The following ZNF385D variants were observed in gnomAD, a reference collection of about 807,000 sequenced individuals.
ZNF385D encodes zinc finger protein 659.
A neutral mutation model predicts 35.8 loss-of-function variants in ZNF385D; 15 were observed. The observed-to-expected ratio is 0.42, with a 90% CI of 0.28 to 0.64. The LOEUF (loss-of-function observed/expected upper bound fraction) is 0.64. Ranked by LOEUF, ZNF385D falls within the 30% of genes least tolerant of loss-of-function variation. The probability of loss-of-function intolerance (pLI) is 0.23; values close to 1 mark genes in which losing one functional copy is unlikely to be tolerated. For synonymous variants in ZNF385D, 212 were observed against 186.8 expected (o/e 1.13, Z -1.10); for missense variants, 474 against 494.6 (o/e 0.96, Z 0.39).
intron 3 of ZNF385D, among the ~76,000 whole-genome samples, chr3:21,767,464 C>T (rs1210508069): frequency 2.0e-5 from 3 of 152,040 alleles, no homozygotes; most frequent in Admixed American, 6.6e-5. Context: ...TTAGCACACC[C>T]TTCTTACCAA....
chr3:22,143,719 CTTAAGA>C (rs1384285440), intron 3 of ZNF385D, among the ~76,000 whole-genome samples: 1 of 152,102 alleles, frequency 6.6e-6, no homozygotes. Context: ...AAAATTTTTA[CTTAAGA>C]TTATGTTCTT....
At chr3:21,559,410 C>T (rs2062859781) in intron 3 of ZNF385D, among the ~76,000 whole-genome samples, 1 of 152,144 alleles carries the variant, frequency 6.6e-6, no homozygotes, top group South Asian at 2.1e-4. Flanking sequence ...ATTTCTCCTT[C>T]ACTTACAAAG....
intron 3 of ZNF385D, among the ~76,000 whole-genome samples, chr3:22,070,654 G>A (rs1284262127): frequency 6.6e-6 from 1 of 152,060 alleles, no homozygotes; most frequent in Non-Finnish European, 1.5e-5. Context: ...TAGAGGACAT[G>A]AGAAAATAGT....
intron 4 of ZNF385D, among the ~76,000 whole-genome samples, chr3:21,449,672 C>A (rs444724): frequency 0.63 from 96,291 of 152,034 alleles, 30,779 homozygotes; most frequent in African/African-American, 0.71. Context: ...GATCTTATTT[C>A]TTGTATATCA....
intron 2 of ZNF385D, among the ~76,000 whole-genome samples, chr3:22,225,973 C>T (rs1419346160): frequency 6.6e-6 from 1 of 152,138 alleles, no homozygotes; most frequent in Non-Finnish European, 1.5e-5. Context: ...AAGCCACTCC[C>T]TCAATCTTAA....
chr3:21,992,315 A>G (rs1251075764), intron 3 of ZNF385D, among the ~76,000 whole-genome samples: 1 of 152,138 alleles, frequency 6.6e-6, no homozygotes, highest in Non-Finnish European at 1.5e-5. Flanking sequence ...TTCTGCAGGC[A>G]AAACATACAA....
At chr3:22,214,769 T>C (rs1453268056) in intron 2 of ZNF385D, among the ~76,000 whole-genome samples, 1 of 152,096 alleles carries the variant, frequency 6.6e-6, no homozygotes, top group Non-Finnish European at 1.5e-5. Context: ...CCTGATAAGA[T>C]GTTATCAATG....
At chr3:21,445,454 T>C (rs1702096632) in intron 4 of ZNF385D, among the ~76,000 whole-genome samples, 1 of 152,160 alleles carries the variant, frequency 6.6e-6, no homozygotes, top group African/African-American at 2.4e-5. Flanking sequence ...ACAAGGTAAA[T>C]TGCCCTCTTT....
intron 4 of ZNF385D, among the ~76,000 whole-genome samples, chr3:21,490,406 T>C (rs1205724733): frequency 6.6e-6 from 1 of 152,152 alleles, no homozygotes. Flanking sequence ...TAGGTTTAAT[T>C]CCCACCTCAC....
intron 3 of ZNF385D, among the ~76,000 whole-genome samples, chr3:22,005,011 C>A (rs545986563): frequency 7.9e-6 from 1 of 126,906 alleles, no homozygotes; most frequent in South Asian, 2.7e-4. Context: ...TGAGACCTGC[C>A]TTAGATATTT....
At chr3:21,916,042 A>G (rs1171380226) in intron 3 of ZNF385D, among the ~76,000 whole-genome samples, 1 of 152,164 alleles carries the variant, frequency 6.6e-6, no homozygotes, top group South Asian at 2.1e-4. Context: ...TTTAAAAGAT[A>G]TATGTCAAAT....
intron 3 of ZNF385D, among the ~76,000 whole-genome samples, chr3:22,087,273 G>C (rs900666570): frequency 3.3e-5 from 5 of 151,902 alleles, no homozygotes; most frequent in Middle Eastern, 3.4e-3. Flanking sequence ...GCATTTGACA[G>C]AATGTTAATT....
chr3:21,971,471 AAT>A (rs1306434450), intron 3 of ZNF385D, among the ~76,000 whole-genome samples: 3 of 151,924 alleles, frequency 2.0e-5, no homozygotes, highest in Admixed American at 6.6e-5. Context: ...AATCAAAAAA[AAT>A]AATGGATACA....
Position 21,850,763 on chromosome 3 carries a change from T to C in ZNF385D, c.326-185735A>G, listed in dbSNP as rs558072830. Among the ~76,000 whole-genome samples, 10 of 152,166 alleles carry C rather than the reference T, an allele frequency of 6.6e-5. No individual in the cohort carries two copies. The East Asian group carries it at 1.9e-3, about 30-fold the overall frequency. ...CTTCGTTAAGATTCCAGAAGGACAA[T>C]GCCTTAAAAGAAAGAATAAACTGGC... On this transcript the variant is annotated intron_variant, in intron 3 of 5. Coordinates refer to the ZNF385D transcript ENST00000494108.
intron 3 of ZNF385D, among the ~76,000 whole-genome samples, chr3:22,077,003 T>C (rs1392413539): frequency 6.6e-6 from 1 of 151,946 alleles, no homozygotes; most frequent in African/African-American, 2.4e-5. Context: ...TAAGGACTCT[T>C]TGGTTAGAGG....
chr3:22,134,809 A>C (rs537394581), intron 3 of ZNF385D, among the ~76,000 whole-genome samples: 50 of 152,240 alleles, frequency 3.3e-4, no homozygotes, highest in African/African-American at 5.8e-4. Context: ...AGAGAGAGAT[A>C]GTGATAAAAG....
intron 4 of ZNF385D, among the ~76,000 whole-genome samples, chr3:21,464,223 A>C (rs976304404): frequency 6.6e-6 from 1 of 152,170 alleles, no homozygotes; most frequent in African/African-American, 2.4e-5. Flanking sequence ...ATAATCGCTG[A>C]CTGGAGGTTT....
intron 1 of ZNF385D, among the ~76,000 whole-genome samples, chr3:21,718,281 A>T (rs1193052408): frequency 6.6e-6 from 1 of 151,990 alleles, no homozygotes; most frequent in East Asian, 1.9e-4. Context: ...CTCAGACTCC[A>T]CTCTGCAATT....
chr3:21,889,958 T>C (rs1362980710), intron 3 of ZNF385D, among the ~76,000 whole-genome samples: 2 of 152,132 alleles, frequency 1.3e-5, no homozygotes, highest in African/African-American at 2.4e-5. Flanking sequence ...TGTGTGTGCG[T>C]GTGCCTGTGT....
Sources: gnomAD v4.1 joint callset for allele counts (sites outside exome capture counted in the v4.1 genomes callset) on GRCh38, gnomAD v4.1.1 for gene constraint, MANE v1.5 for transcripts, NCBI Gene and HGNC (gene_info 2026-07-23, HGNC 2026-07-21) for gene names.